Variants in ZEB1 observed in about 807,000 individuals in gnomAD.
ZEB1 encodes the protein zinc finger E-box-binding homeobox 1.
In ZEB1, 21 loss-of-function variants were observed where a neutral mutation model predicts 84.9. The ratio of observed to expected loss-of-function variants is 0.25; its 90% CI spans 0.18 to 0.36. ZEB1 has a LOEUF of 0.36. Ranked by LOEUF, ZEB1 falls within the 10% of genes least tolerant of loss-of-function variation. The pLI, the probability that ZEB1 is intolerant of heterozygous loss-of-function variation, is 1.00. For synonymous variants in ZEB1, 420 were observed against 471.1 expected, an observed-to-expected ratio of 0.89 and a Z score of 1.41; for missense variants, 1,104 against 1,330.2, an observed-to-expected ratio of 0.83 and a Z score of 2.65.
At chr10:31,409,511 T>A (rs1212802947) in intron 1 of ZEB1, among the ~76,000 whole-genome samples, 1 of 150,298 alleles carries the variant, frequency 6.7e-6, no homozygotes, top group Non-Finnish European at 1.5e-5. Context: ...TTTGGTTCCG[T>A]ATGAAGTTTA....
chr10:31,412,414 T>G (rs161249), intron 1 of ZEB1, among the ~76,000 whole-genome samples: 1 of 151,934 alleles, frequency 6.6e-6, no homozygotes, highest in African/African-American at 2.4e-5. Flanking sequence ...CCCCACTCCC[T>G]CTACCCCATG....
At chr10:31,413,110 C>G (rs935861710) in intron 1 of ZEB1, among the ~76,000 whole-genome samples, 1 of 152,110 alleles carries the variant, frequency 6.6e-6, no homozygotes, top group Admixed American at 6.5e-5. Flanking sequence ...AGCATTAGTT[C>G]TACACCTCAT....
chr10:31,497,924 A>ATAGATAGATAG, intron 3 of ZEB1, among the ~76,000 whole-genome samples: 1 of 145,492 alleles, frequency 6.9e-6, no homozygotes, highest in African/African-American at 2.5e-5. Context: ...AGGATGGAAA[A>ATAGATAGATAG]ATAGATAGAT....
At chr10:31,326,832 T>C (rs144302280) in intron 1 of ZEB1, among the ~76,000 whole-genome samples, 2 of 152,330 alleles carry the variant, frequency 1.3e-5, no homozygotes, top group South Asian at 2.1e-4. Flanking sequence ...GATGTAGTTA[T>C]ATCACTTAAA....
Position 31,527,700 on chromosome 10 carries a change from A to T in ZEB1, c.*436A>T. 1 of 165,076 alleles carries T rather than the reference A, an allele frequency of 6.1e-6. No homozygotes were observed. 10.2% of individuals were successfully genotyped at this position (165,076 alleles called of 1,614,324 possible). A position where few individuals can be genotyped will look rare whatever the true frequency, so the allele number is the denominator to read the frequency against. On this transcript the variant is annotated 3_prime_UTR_variant, in exon 9 of 9. Coordinates refer to ENST00000424869, the MANE Select transcript of ZEB1 (RefSeq NM_001174096.2). ...ATTGGGAGAAATTTTATAATTTTTTATTGGTAAACATATGCTAAATCCGCT... is the reference window on the plus strand; with the variant it reads ...ATTGGGAGAAATTTTATAATTTTTTTTTGGTAAACATATGCTAAATCCGCT...
At chr10:31,495,413 T>C (rs1490872319) in intron 2 of ZEB1, among the ~76,000 whole-genome samples, 1 of 152,076 alleles carries the variant, frequency 6.6e-6, no homozygotes, top group Non-Finnish European at 1.5e-5. Context: ...TTTACTTCTC[T>C]AAGATATCTT....
At chr10:31,467,804 C>T (rs2062631665) in intron 2 of ZEB1, among the ~76,000 whole-genome samples, 1 of 152,120 alleles carries the variant, frequency 6.6e-6, no homozygotes, top group Non-Finnish European at 1.5e-5. Context: ...GGCACCCCTC[C>T]CTTCATGAGA....
intron 1 of ZEB1, among the ~76,000 whole-genome samples, chr10:31,397,313 A>G (rs987993461): frequency 1.3e-5 from 2 of 151,864 alleles, no homozygotes; most frequent in Non-Finnish European, 2.9e-5. Context: ...TTCACTATTT[A>G]CTGATACGGT....
intron 1 of ZEB1, among the ~76,000 whole-genome samples, chr10:31,458,327 GTGTGTGTGT>G (rs765636061): frequency 0.067 from 8,463 of 125,876 alleles, 328 homozygotes; most frequent in African/African-American, 0.22. Context: ...GTGTGTGTGT[GTGTGTGTGT>G]TGTGTGTGTG....
chr10:31,390,755 A>ATT (rs2049497609), intron 1 of ZEB1, among the ~76,000 whole-genome samples: 1 of 152,206 alleles, frequency 6.6e-6, no homozygotes. Context: ...CGTTACAAGT[A>ATT]TTTAAGTACT....
chr10:31,389,541 T>C lies in ZEB1; in HGVS notation c.58+70249T>C, dbSNP rs932322640. ...TGGCATGATCATGCTCTTTACCTAC[T>C]CTGGTAGCTGGAGGGAGGTGAGAGA... On this transcript the variant is annotated intron_variant, in intron 1 of 8. Coordinates refer to ENST00000424869, the MANE Select transcript of ZEB1 (RefSeq NM_001174096.2). The C allele has an allele frequency of 1.3e-5, 2 of 152,116 alleles. 1 individual carries two copies. The highest frequency in any genetic ancestry group is 2.9e-5 in the Non-Finnish European group (2 of 68,028). The allele number at this position is 152,116 out of a possible 1,614,324, so 9.4% of individuals were successfully genotyped here. A position where few individuals can be genotyped will look rare whatever the true frequency, so the allele number is the denominator to read the frequency against.
At chr10:31,443,615 A>G (rs1159765796) in intron 1 of ZEB1, among the ~76,000 whole-genome samples, 4 of 129,770 alleles carry the variant, frequency 3.1e-5, no homozygotes, top group East Asian at 2.3e-4. Flanking sequence ...TCCTGTGTCC[A>G]TGTGCTCTCA....
At chr10:31,435,161 A>T (rs1175150013) in intron 1 of ZEB1, among the ~76,000 whole-genome samples, 2 of 152,200 alleles carry the variant, frequency 1.3e-5, no homozygotes, top group Non-Finnish European at 2.9e-5. Context: ...ATGCGACATG[A>T]GAAAGTTTCA....
At chr10:31,339,920 G>C (rs1374913135) in intron 1 of ZEB1, among the ~76,000 whole-genome samples, 1 of 152,032 alleles carries the variant, frequency 6.6e-6, no homozygotes, top group African/African-American at 2.4e-5. Context: ...TTCTCTACTA[G>C]GGAGAGGAGG....
chr10:31,416,072 A>G (rs1030907485), intron 1 of ZEB1, among the ~76,000 whole-genome samples: 3 of 152,070 alleles, frequency 2.0e-5, no homozygotes, highest in African/African-American at 7.2e-5. Context: ...TTATTTTCTC[A>G]GTTACAGTTT....
intron 1 of ZEB1, among the ~76,000 whole-genome samples, chr10:31,322,505 C>T (rs2132975805): frequency 6.6e-6 from 1 of 152,248 alleles, no homozygotes; most frequent in East Asian, 1.9e-4. Context: ...TGGAATATGT[C>T]TGAAGGTAGG....
At chr10:31,370,713 CTAAGGTG>C (rs2045547118) in intron 1 of ZEB1, among the ~76,000 whole-genome samples, 1 of 152,118 alleles carries the variant, frequency 6.6e-6, no homozygotes, top group East Asian at 1.9e-4. Flanking sequence ...GTATCTCTTT[CTAAGGTG>C]TAACTCTTTC....
chr10:31,411,370 G>A (rs957728488), intron 1 of ZEB1, among the ~76,000 whole-genome samples: 12 of 152,124 alleles, frequency 7.9e-5, no homozygotes, highest in Admixed American at 2.6e-4. Context: ...AGCAGCTCAC[G>A]CCTGTAATCC....
rs778679675 is a variant in ZEB1 at position 31,510,776 on chromosome 10, G to T, written c.588G>T (p.Lys196Asn). ...LKEHIKYRHE[K>N]NEDNFSCSLC... is the part of the protein sequence containing the mutation. ...AACACATTAAATATCGTCATGAAAAGAATGAAGATAACTTTAGTTGCTCCC... is the reference window on the plus strand; with the variant it reads ...AACACATTAAATATCGTCATGAAAATAATGAAGATAACTTTAGTTGCTCCC... The change falls in exon 5 of 9, where the codon AAG becomes AAT. Residue 196 changes from lysine to asparagine, a missense_variant. Coordinates refer to ENST00000424869, the MANE Select transcript of ZEB1 (RefSeq NM_001174096.2). 1 of 1,613,862 alleles carries T rather than the reference G, an allele frequency of 6.2e-7. No individual in the cohort carries two copies.
Sources: gnomAD v4.1 joint callset for allele counts (sites outside exome capture counted in the v4.1 genomes callset) on GRCh38, gnomAD v4.1.1 for gene constraint, MANE v1.5 for transcripts, NCBI Gene and HGNC (gene_info 2026-07-23, HGNC 2026-07-21) for gene names.